CEP70: variants seen among roughly 807,000 people sequenced by gnomAD.
The protein encoded by CEP70 is centrosomal protein 70, also known as centrosomal protein of 70 kDa.
A neutral mutation model predicts 90.9 loss-of-function variants in CEP70; 70 were observed. The ratio of observed to expected loss-of-function variants is 0.77; its 90% CI spans 0.64 to 0.94. The LOEUF (loss-of-function observed/expected upper bound fraction) is 0.94, where lower values mean the gene tolerates loss of function less well. Among genes scored for constraint, CEP70 ranks in the 40% least tolerant of loss-of-function variants. The probability of loss-of-function intolerance (pLI) is 0.00; values close to 1 mark genes in which losing one functional copy is unlikely to be tolerated. For synonymous variants in CEP70, 220 were observed against 228.3 expected, an observed-to-expected ratio of 0.96 and a Z score of 0.33; for missense variants, 648 against 669.0, an observed-to-expected ratio of 0.97 and a Z score of 0.35.
chr3:138,537,006 A>C (rs994406023), intron 7 of CEP70, 172 bp downstream of exon 7: 4 of 365,070 alleles, frequency 1.1e-5, no homozygotes, highest in Non-Finnish European at 1.9e-5. Context: ...TAGAACAAAA[A>C]AAAAAAAAAA....
intron 11 of CEP70, among the ~76,000 whole-genome samples, chr3:138,522,741 C>A (rs1167876580): frequency 6.6e-6 from 1 of 152,048 alleles, no homozygotes; most frequent in African/African-American, 2.4e-5. Flanking sequence ...AATAGCTTAC[C>A]AACCAAAAAA....
In CEP70 at chr3:138,501,941, A is replaced by G. The variant is rs78205288; in HGVS notation, c.1222-1060T>C. Among the ~76,000 whole-genome samples, 858 of 152,270 alleles carry G rather than the reference A, an allele frequency of 5.6e-3. 12 individuals carry two copies. Among genetic ancestry groups the G allele is most frequent in the African/African-American group, 0.02 (811 of 41,544 alleles). ...ATTCTGCAAATACTCCAAAATCTGA[A>G]AAAATTCTTAATCAAAATACTTCTA... is the stretch of plus-strand genomic sequence containing the variant. On this transcript the variant is annotated intron_variant, in intron 13 of 17. Transcript: ENST00000264982.
In CEP70 at chr3:138,494,806, G is replaced by A; in HGVS notation, c.*209C>T. 3 of 412,406 alleles carry A rather than the reference G, an allele frequency of 7.3e-6. No individual in the cohort carries two copies. The highest frequency in any genetic ancestry group is 3.5e-5 in the South Asian group (1 of 28,732). The allele number at this position is 412,406 out of a possible 1,614,324, so 25.5% of individuals were successfully genotyped here. On this transcript the variant is annotated 3_prime_UTR_variant, in exon 18 of 18. Transcript: ENST00000264982. ...TGCTTTAGAAATGAAGGGATCTAAAGTTAATTACCTTACCCTTGCAACTAT... is the reference window on the plus strand; with the variant it reads ...TGCTTTAGAAATGAAGGGATCTAAAATTAATTACCTTACCCTTGCAACTAT...
At chr3:138,507,549 A>G (rs1263348595) in intron 12 of CEP70, among the ~76,000 whole-genome samples, 2 of 152,234 alleles carry the variant, frequency 1.3e-5, no homozygotes, top group African/African-American at 4.8e-5. Context: ...TAGTTGAGAA[A>G]TGCAACAGAC....
chr3:138,554,180 A>C lies in CEP70; in HGVS notation c.465+16138T>G, dbSNP rs2039830070. On this transcript the variant is annotated intron_variant, in intron 6 of 17. Transcript: ENST00000264982. Reference sequence around the variant, plus strand: ...CATGCCACCGCACTCTAGCCTGGACAACAGAGTGAGACTCCATATGAAAAA... The same window carrying C: ...CATGCCACCGCACTCTAGCCTGGACCACAGAGTGAGACTCCATATGAAAAA... Among the ~76,000 whole-genome samples the C allele has an allele frequency of 5.3e-5, 8 of 151,516 alleles. No individual in the cohort carries two copies. In the South Asian group the frequency reaches 1.7e-3, roughly 32 times the overall value.
chr3:138,525,433 A>T, intron 11 of CEP70, 57 bp downstream of exon 11: 1 of 621,276 alleles, frequency 1.6e-6, no homozygotes, highest in Non-Finnish European at 2.5e-6. Context: ...AATAAAAATA[A>T]ATAAATAAAA....
intron 11 of CEP70, among the ~76,000 whole-genome samples, chr3:138,513,985 T>C (rs1159864997): frequency 1.3e-5 from 2 of 151,992 alleles, no homozygotes; most frequent in African/African-American, 4.8e-5. Flanking sequence ...CAATTTTCTC[T>C]GGTTCCAAAA....
Position 138,548,632 on chromosome 3 carries a change from C to T in CEP70, c.466-11285G>A, listed in dbSNP as rs73864593. ...GCAGATAAGCAGGCACATAAGGAAA[C>T]AAGACACCATGAACTACAGTGTAAA... On this transcript the variant is annotated intron_variant, in intron 6 of 17. Transcript: ENST00000264982. Among the ~76,000 whole-genome samples, 882 of 152,206 alleles carry T rather than the reference C, an allele frequency of 5.8e-3. 12 individuals carry two copies. The highest frequency in any genetic ancestry group is 0.02 in the African/African-American group (823 of 41,522).
chr3:138,537,420 CA>C (rs2038377510), intron 6 of CEP70, 73 bp from the exon 7 acceptor site: 1 of 979,432 alleles, frequency 1.0e-6, no homozygotes, highest in African/African-American at 1.7e-5. Flanking sequence ...GTATTGTACA[CA>C]AAGGCATCTT....
intron 12 of CEP70, among the ~76,000 whole-genome samples, chr3:138,506,132 G>A (rs2034967576): frequency 6.6e-6 from 1 of 152,146 alleles, no homozygotes; most frequent in Non-Finnish European, 1.5e-5. Context: ...TCTTTTAAAA[G>A]TAGGCATATT....
intron 13 of CEP70, among the ~76,000 whole-genome samples, chr3:138,503,009 T>C (rs1161361516): frequency 1.3e-5 from 2 of 152,202 alleles, no homozygotes; most frequent in African/African-American, 4.8e-5. Context: ...AGCCTTCTTT[T>C]CTTCCAATTT....
intron 2 of CEP70, among the ~76,000 whole-genome samples, chr3:138,576,115 T>C (rs1560448094): frequency 6.6e-6 from 1 of 152,170 alleles, no homozygotes; most frequent in African/African-American, 2.4e-5. Context: ...TAACCTTAAA[T>C]GTAAATGGGC....
At chr3:138,510,373 C>A (rs1355109729) in intron 11 of CEP70, among the ~76,000 whole-genome samples, 1 of 151,498 alleles carries the variant, frequency 6.6e-6, no homozygotes, top group Non-Finnish European at 1.5e-5. Flanking sequence ...GCAGGGGTTG[C>A]AGTGAGGTGA....
intron 2 of CEP70, among the ~76,000 whole-genome samples, chr3:138,576,427 T>C (rs1452558474): frequency 6.6e-6 from 1 of 152,124 alleles, no homozygotes; most frequent in Non-Finnish European, 1.5e-5. Context: ...ACGCACCCAA[T>C]ACAGGAGCAC....
intron 2 of CEP70, among the ~76,000 whole-genome samples, chr3:138,584,236 T>C (rs183697955): frequency 1.6e-3 from 241 of 151,996 alleles, no homozygotes; most frequent in Non-Finnish European, 2.6e-3. Context: ...ATCCAAAACC[T>C]GAACAGACCA....
Position 138,545,751 on chromosome 3 carries a change from G to A in CEP70, c.466-8404C>T, listed in dbSNP as rs547151224. On this transcript the variant is annotated intron_variant, in intron 6 of 17. Transcript: ENST00000264982. ...CCTGAGGGGAGGTCTATAAACGGCC[G>A]CTCTGGGAGTGTCTGTCTTATGCGG... Among the ~76,000 whole-genome samples, 11 of 152,158 alleles carry A rather than the reference G, an allele frequency of 7.2e-5. No individual in the cohort carries two copies. In the East Asian group the frequency reaches 7.7e-4, roughly 11 times the overall value.
intron 13 of CEP70, among the ~76,000 whole-genome samples, chr3:138,503,747 C>T (rs1012628698): frequency 3.3e-5 from 5 of 152,124 alleles, no homozygotes; most frequent in African/African-American, 9.7e-5. Context: ...AAGAACTCAC[C>T]ACCATGGCAA....
intron 11 of CEP70, among the ~76,000 whole-genome samples, chr3:138,518,427 C>T (rs1367686957): frequency 1.2e-4 from 19 of 152,284 alleles, no homozygotes; most frequent in Non-Finnish European, 5.9e-5. Flanking sequence ...CTGGGAGGCA[C>T]CTCCCAGTAG....
At chr3:138,549,407 G>A (rs900908041) in intron 6 of CEP70, among the ~76,000 whole-genome samples, 3 of 151,776 alleles carry the variant, frequency 2.0e-5, no homozygotes, top group Non-Finnish European at 2.9e-5. Flanking sequence ...TTTGGATTGC[G>A]TGGGAGCTGG....
Sources: gnomAD v4.1 joint callset for allele counts (sites outside exome capture counted in the v4.1 genomes callset) on GRCh38, gnomAD v4.1.1 for gene constraint, MANE v1.5 for transcripts, NCBI Gene and HGNC (gene_info 2026-07-23, HGNC 2026-07-21) for gene names.